Variants in ANXA8 observed in about 807,000 individuals in gnomAD.
ANXA8 encodes the protein annexin A8.
ANXA8 carries 9 observed loss-of-function variants against 26.8 expected under a neutral mutation model. That is an observed-to-expected ratio of 0.34 (90% confidence interval 0.20 to 0.59). The LOEUF is 0.59. Among genes scored for constraint, ANXA8 ranks in the 20% least tolerant of loss-of-function variants. The pLI is 0.84. For synonymous variants in ANXA8, 39 were observed against 94.8 expected, an observed-to-expected ratio of 0.41 and a Z score of 3.42; for missense variants, 83 against 238.5, an observed-to-expected ratio of 0.35 and a Z score of 4.29.
upstream of ANXA8, chr10:47,487,157 T>A: frequency 7.8e-7 from 1 of 1,287,020 alleles, no homozygotes; most frequent in South Asian, 1.5e-5. Flanking sequence ...ATATGTTATG[T>A]CAACAAGAAA....
the ANXA8 span, among the ~76,000 whole-genome samples, chr10:47,722,261 A>C: frequency 1.0e-5 from 1 of 98,282 alleles, no homozygotes; most frequent in South Asian, 3.2e-4. Context: ...GAGGCCACAG[A>C]CATTTATTAA....
At chr10:47,683,708 G>T in the ANXA8 span, among the ~76,000 whole-genome samples, 3 of 151,478 alleles carry the variant, frequency 2.0e-5, no homozygotes, top group South Asian at 4.2e-4. Flanking sequence ...TGAGTAAGTT[G>T]CAGAGTAGTA....
the ANXA8 span, among the ~76,000 whole-genome samples, chr10:47,939,267 C>T: frequency 7.4e-6 from 1 of 135,862 alleles, no homozygotes; most frequent in Admixed American, 7.4e-5. Context: ...CACACCATTG[C>T]ACTCCAGCCT....
chr10:47,943,927 G>A, the ANXA8 span, among the ~76,000 whole-genome samples: 1 of 147,800 alleles, frequency 6.8e-6, no homozygotes, highest in South Asian at 2.1e-4. Flanking sequence ...AAACTGGCAA[G>A]GAGTGGAGGC....
the ANXA8 span, among the ~76,000 whole-genome samples, chr10:47,988,883 T>C: frequency 6.6e-6 from 1 of 151,758 alleles, no homozygotes; most frequent in Non-Finnish European, 1.5e-5. Flanking sequence ...TACTAGGCCC[T>C]GAATGTTTAA....
the ANXA8 span, among the ~76,000 whole-genome samples, chr10:47,948,242 A>G: frequency 7.8e-6 from 1 of 127,548 alleles, no homozygotes; most frequent in Admixed American, 8.2e-5. Context: ...GTGTCATATA[A>G]GAAATACAGA....
At chr10:47,702,343 CTTTTT>C in the ANXA8 span, among the ~76,000 whole-genome samples, 17 of 140,138 alleles carry the variant, frequency 1.2e-4, no homozygotes, top group Non-Finnish European at 1.7e-4. Context: ...CTTTTCTTTT[CTTTTT>C]TTTTTTTTTT....
chr10:47,941,938 T>A, the ANXA8 span, among the ~76,000 whole-genome samples: 1 of 147,686 alleles, frequency 6.8e-6, no homozygotes, highest in Non-Finnish European at 1.5e-5. Flanking sequence ...TAGTGAAAGA[T>A]AAGAAACAAT....
chr10:47,673,506 C>G, the ANXA8 span, among the ~76,000 whole-genome samples: 1 of 146,924 alleles, frequency 6.8e-6, no homozygotes, highest in East Asian at 2.0e-4. Context: ...AAGGAAGCTG[C>G]CCTCCAGAAG....
chr10:47,985,408 T>C, the ANXA8 span: 1 of 132,796 alleles, frequency 7.5e-6, no homozygotes, highest in Non-Finnish European at 1.6e-5. Flanking sequence ...ATTGACAGTT[T>C]CTCAAAAAAC....
the ANXA8 span, among the ~76,000 whole-genome samples, chr10:47,631,326 G>T: frequency 2.0e-5 from 3 of 151,920 alleles, no homozygotes; most frequent in Non-Finnish European, 4.4e-5. Context: ...CAAAGTGTTA[G>T]TATATCTGGT....
the ANXA8 span, chr10:47,565,233 C>T: frequency 7.6e-5 from 45 of 595,950 alleles, no homozygotes; most frequent in Non-Finnish European, 1.3e-4. Flanking sequence ...AGCCCTGCGG[C>T]CGGGGCCCCA....
chr10:47,686,724 A>C, the ANXA8 span, among the ~76,000 whole-genome samples: 2 of 151,970 alleles, frequency 1.3e-5, no homozygotes, highest in African/African-American at 4.8e-5. Context: ...AGAGTCAAAA[A>C]AGCGGAATGT....
chr10:47,765,840 C>T, the ANXA8 span, among the ~76,000 whole-genome samples: 1 of 150,690 alleles, frequency 6.6e-6, no homozygotes, highest in African/African-American at 2.5e-5. Flanking sequence ...AGTGCTTGTG[C>T]CCAGACTGAT....
the ANXA8 span, among the ~76,000 whole-genome samples, chr10:47,705,742 T>A: frequency 6.6e-6 from 1 of 152,034 alleles, no homozygotes; most frequent in Non-Finnish European, 1.5e-5. Context: ...TATTCTAAAG[T>A]TTTTTATTGA....
chr10:47,941,813 G>A, the ANXA8 span, among the ~76,000 whole-genome samples: 1 of 147,710 alleles, frequency 6.8e-6, no homozygotes, highest in Non-Finnish European at 1.5e-5. Context: ...CATGGCAACT[G>A]GAAGCAGCAC....
the ANXA8 span, among the ~76,000 whole-genome samples, chr10:47,654,374 G>A: frequency 1.4e-5 from 2 of 146,682 alleles, no homozygotes; most frequent in Non-Finnish European, 2.9e-5. Flanking sequence ...AATAGGTAAT[G>A]TAAACACGTT....
At chr10:47,633,186 G>A in the ANXA8 span, among the ~76,000 whole-genome samples, 1 of 147,556 alleles carries the variant, frequency 6.8e-6, no homozygotes, top group Admixed American at 6.7e-5. Flanking sequence ...CTGCGGAATC[G>A]ACTGTAGCTG....
At chr10:47,950,762 T>C in the ANXA8 span, among the ~76,000 whole-genome samples, 1 of 151,080 alleles carries the variant, frequency 6.6e-6, no homozygotes, top group Non-Finnish European at 1.5e-5. Flanking sequence ...ACAAAAGATA[T>C]TTTAAAATAA....
Sources: gnomAD v4.1 joint callset for allele counts (sites outside exome capture counted in the v4.1 genomes callset) on GRCh38, gnomAD v4.1.1 for gene constraint, MANE v1.5 for transcripts, NCBI Gene and HGNC (gene_info 2026-07-23, HGNC 2026-07-21) for gene names.